ARK2N: variants seen among roughly 807,000 people sequenced by gnomAD.
The protein encoded by ARK2N is protein ARK2N.
At chr18:46,197,522 C>A in the ARK2N span, among the ~76,000 whole-genome samples, 3 of 152,324 alleles carry the variant, frequency 2.0e-5, no homozygotes, top group South Asian at 2.1e-4. Context: ...GCGTGAGCCA[C>A]CACGCCTAGC....
the ARK2N span, chr18:46,264,735 CTT>C: frequency 1.2e-4 from 16 of 133,216 alleles, no homozygotes; most frequent in African/African-American, 2.2e-4. Context: ...TCATCTTCTT[CTT>C]TTTTTTTTTT....
chr18:46,208,957 A>G, the ARK2N span, among the ~76,000 whole-genome samples: 1 of 152,184 alleles, frequency 6.6e-6, no homozygotes, highest in African/African-American at 2.4e-5. Context: ...TCATTTACCA[A>G]AGGGTTATTC....
the ARK2N span, among the ~76,000 whole-genome samples, chr18:46,215,121 C>A: frequency 2.0e-5 from 3 of 152,128 alleles, no homozygotes; most frequent in Admixed American, 6.6e-5. Flanking sequence ...GAGTTCGAGA[C>A]CAGCCTGGGC....
chr18:46,252,478 G>A, the ARK2N span, among the ~76,000 whole-genome samples: 16 of 152,004 alleles, frequency 1.1e-4, no homozygotes, highest in Non-Finnish European at 1.8e-4. Flanking sequence ...TTTCAACCAT[G>A]TTGGCCAGGA....
At chr18:46,183,899 C>CT in the ARK2N span, among the ~76,000 whole-genome samples, 1,215 of 150,940 alleles carry the variant, frequency 8.0e-3, 20 homozygotes, top group African/African-American at 0.029. Context: ...TCTCAGCTCA[C>CT]TGCAACCTCC....
At chr18:46,254,126 G>A in the ARK2N span, among the ~76,000 whole-genome samples, 6 of 152,166 alleles carry the variant, frequency 3.9e-5, no homozygotes, top group Non-Finnish European at 8.8e-5. Flanking sequence ...TAAGGCAGAA[G>A]TATCACTGTA....
At chr18:46,236,285 TTA>T in the ARK2N span, among the ~76,000 whole-genome samples, 9 of 152,324 alleles carry the variant, frequency 5.9e-5, no homozygotes, top group East Asian at 1.7e-3. Flanking sequence ...AGTGCTGGGA[TTA>T]TAGGCATGAG....
the ARK2N span, among the ~76,000 whole-genome samples, chr18:46,181,031 G>A: frequency 4.6e-5 from 7 of 152,106 alleles, no homozygotes; most frequent in Non-Finnish European, 8.8e-5. Context: ...GGAAGCCGAG[G>A]CAGGTGGATC....
At chr18:46,264,560 T>G in the ARK2N span, 1 of 152,748 alleles carries the variant, frequency 6.5e-6, no homozygotes, top group East Asian at 1.9e-4. Flanking sequence ...ATTACCATTT[T>G]CAGTTTTCAT....
At chr18:46,233,982 A>G in the ARK2N span, among the ~76,000 whole-genome samples, 1 of 152,076 alleles carries the variant, frequency 6.6e-6, no homozygotes, top group South Asian at 2.1e-4. Context: ...AATAATACAC[A>G]TGTAGTTTTT....
the ARK2N span, among the ~76,000 whole-genome samples, chr18:46,185,287 A>G: frequency 6.6e-6 from 1 of 152,168 alleles, no homozygotes; most frequent in Non-Finnish European, 1.5e-5. Context: ...TTAGGTGCAT[A>G]ATTTGTTTCT....
the ARK2N span, among the ~76,000 whole-genome samples, chr18:46,176,188 A>G: frequency 3.3e-5 from 5 of 152,330 alleles, no homozygotes; most frequent in African/African-American, 1.2e-4. Context: ...GTTACTCATT[A>G]TACAAGAAGT....
At chr18:46,216,485 A>C in the ARK2N span, 1 of 1,614,218 alleles carries the variant, frequency 6.2e-7, no homozygotes, top group East Asian at 2.2e-5. This position sits in a 1 kb window ranked among gnomAD's most constrained non-coding sequence, Gnocchi z 4.3. Flanking sequence ...AACCTGCTGC[A>C]GGACAGTAGT....
the ARK2N span, among the ~76,000 whole-genome samples, chr18:46,231,566 C>CTT: frequency 1.5e-4 from 15 of 100,760 alleles, no homozygotes; most frequent in East Asian, 2.9e-4. Context: ...AGGTTTGGGG[C>CTT]TTTTTTTTTT....
chr18:46,236,017 T>A, the ARK2N span, among the ~76,000 whole-genome samples: 2,941 of 152,298 alleles, frequency 0.019, 73 homozygotes, highest in African/African-American at 0.06. Context: ...ACACAGATAC[T>A]TCTATATTTT....
At chr18:46,262,872 C>T in the ARK2N span, 9 of 1,546,906 alleles carry the variant, frequency 5.8e-6, no homozygotes, top group Admixed American at 1.3e-4. Flanking sequence ...GTCATATTGT[C>T]TTCTGTTTTT....
the ARK2N span, among the ~76,000 whole-genome samples, chr18:46,205,083 A>G: frequency 3.3e-5 from 5 of 151,656 alleles, no homozygotes; most frequent in Admixed American, 6.6e-5. Context: ...AATTTTTTGT[A>G]TTTTGGTAGA....
the ARK2N span, among the ~76,000 whole-genome samples, chr18:46,211,199 G>T: frequency 4.6e-5 from 7 of 151,850 alleles, no homozygotes; most frequent in Admixed American, 6.6e-5. Flanking sequence ...TGTTCCACTG[G>T]TTTTTTTTAC....
the ARK2N span, chr18:46,216,203 C>T: frequency 5.6e-6 from 9 of 1,613,894 alleles, no homozygotes; most frequent in Admixed American, 1.7e-5. This position sits in a 1 kb window ranked among gnomAD's most constrained non-coding sequence, Gnocchi z 4.3. Context: ...GATTCAGATA[C>T]GTTGTCTTCC....
Sources: allele counts gnomAD v4.1 joint callset (sites outside exome capture counted in the v4.1 genomes callset), GRCh38; gene constraint gnomAD v4.1.1; non-coding constraint Gnocchi (gnomAD v3.1); transcripts MANE v1.5; gene names NCBI Gene and HGNC (gene_info 2026-07-23, HGNC 2026-07-21).